The following TNRC6B variants were observed in gnomAD, a reference collection of about 807,000 sequenced individuals.
TNRC6B encodes trinucleotide repeat containing adaptor 6B, also known as trinucleotide repeat-containing gene 6B protein.
TNRC6B carries 52 observed loss-of-function variants against 203.6 expected under a neutral mutation model. The observed-to-expected ratio is 0.26, with a 90% CI of 0.20 to 0.32. The LOEUF (loss-of-function observed/expected upper bound fraction) is 0.32. Ranked by LOEUF, TNRC6B falls within the 10% of genes least tolerant of loss-of-function variation. The pLI is 1.00. For synonymous variants in TNRC6B, 838 were observed against 845.7 expected (o/e 0.99, Z 0.16); for missense variants, 1,923 against 2,286.2 (o/e 0.84, Z 3.24).
At chr22:40,133,324 T>C (rs1190537078) in intron 3 of TNRC6B, among the ~76,000 whole-genome samples, 1 of 152,152 alleles carries the variant, frequency 6.6e-6, no homozygotes, top group East Asian at 1.9e-4. Context: ...AATGACATAC[T>C]TTTATAGTCA....
In TNRC6B at chr22:40,326,010, A is replaced by G. The variant is rs1297937066; in HGVS notation, c.*2769A>G. ...GTTCTTCCATCATAAGCTTAAAGGG[A>G]AAAAAACTAAAAACTTTAAAAAAAA... On this transcript the variant is annotated 3_prime_UTR_variant, in exon 23 of 23. Transcript: ENST00000454349. The G allele has an allele frequency of 6.6e-6, 1 of 152,534 alleles. No homozygotes were observed. Among genetic ancestry groups the G allele is most frequent in the Non-Finnish European group, 1.5e-5 (1 of 68,032 alleles). 9.4% of individuals were successfully genotyped at this position (152,534 alleles called of 1,614,324 possible).
At chr22:40,121,184 C>G (rs1240573610) in intron 2 of TNRC6B, among the ~76,000 whole-genome samples, 1 of 152,156 alleles carries the variant, frequency 6.6e-6, no homozygotes, top group African/African-American at 2.4e-5. Context: ...AAGTCTAGGT[C>G]AGCCAGGGTT....
intron 4 of TNRC6B, among the ~76,000 whole-genome samples, chr22:40,168,478 C>T (rs540545420): frequency 4.1e-4 from 63 of 152,192 alleles, no homozygotes; most frequent in African/African-American, 9.6e-4. Flanking sequence ...TTCCTCCAAA[C>T]GCAGATTTAA....
In TNRC6B at chr22:40,315,438, T is replaced by C; in HGVS notation, c.4834T>C (p.Ser1612Pro). 6.2e-7 allele frequency: 1 copy of C among 1,613,666 alleles called. No individual in the cohort carries two copies. Residue 1612 changes from serine (S) to proline (P), a missense_variant, in exon 20 of 23, where the codon TCT (serine) becomes CCT (proline). Physicochemically the swap from Ser to Pro is moderately conservative, Grantham distance 74 (BLOSUM62 -1). Coordinates refer to ENST00000454349, the MANE Select transcript of TNRC6B (RefSeq NM_001162501.2). ...TGGTCTGACCAACCCCAAACCATCA[T>C]CTCCCTGGAGCAGCACAGCACCCCG... is the stretch of plus-strand genomic sequence containing the variant. ...PPGLTNPKPS[S>P]PWSSTAPRSV...
At chr22:40,181,968 G>A (rs1361430941) in intron 1 of TNRC6B, among the ~76,000 whole-genome samples, 7 of 146,716 alleles carry the variant, frequency 4.8e-5, no homozygotes, top group East Asian at 2.0e-4. Flanking sequence ...AAAGCCAGCC[G>A]GGCGTGGTGG....
intron 1 of TNRC6B, among the ~76,000 whole-genome samples, chr22:40,070,493 A>C (rs1259773818): frequency 6.6e-6 from 1 of 152,224 alleles, no homozygotes; most frequent in East Asian, 1.9e-4. Flanking sequence ...CATCTGCTAA[A>C]GGCTGATTTC....
rs546945575 is a variant in TNRC6B at position 40,135,594 on chromosome 22, T to C, written c.45+9732T>C. On this transcript the variant is annotated intron_variant, in intron 3 of 23. Transcript: ENST00000301923. ...TGGCTTGCTGAAACCTTGAATTTAA[T>C]GGGCTCAAGTGATCTTCCCACCTCA... Among the ~76,000 whole-genome samples the C allele has an allele frequency of 2.0e-5, 3 of 152,298 alleles. No individual in the cohort carries two copies. In the South Asian group the frequency reaches 6.2e-4, roughly 32 times the overall value.
In TNRC6B at chr22:40,334,378, A is replaced by T. The variant is rs1039221379; in HGVS notation, c.*11137A>T. 3 of 152,516 alleles carry T rather than the reference A, an allele frequency of 2.0e-5. No individual in the cohort carries two copies. Among genetic ancestry groups the T allele is most frequent in the Admixed American group, 6.5e-5 (1 of 15,276 alleles). The allele number at this position is 152,516 out of a possible 1,614,324, so 9.4% of individuals were successfully genotyped here. A position where few individuals can be genotyped will look rare whatever the true frequency, so the allele number is the denominator to read the frequency against. ...TGCAGGAACATTTTTAACAGGTTTT[A>T]AAAAAACAAAAAACCCTTCTGGGAG... On this transcript the variant is annotated 3_prime_UTR_variant, in exon 23 of 23. Transcript: ENST00000454349.
At chr22:40,196,243 G>A (rs2069335669) in intron 1 of TNRC6B, among the ~76,000 whole-genome samples, 2 of 151,938 alleles carry the variant, frequency 1.3e-5, no homozygotes, top group South Asian at 2.1e-4. Context: ...TCAACCTACC[G>A]GGCTCAAGCA....
chr22:40,173,825 A>T (rs2069030052), upstream of TNRC6B, among the ~76,000 whole-genome samples: 1 of 76,334 alleles, frequency 1.3e-5, no homozygotes, highest in African/African-American at 5.1e-5. Flanking sequence ...TTTTTTTGAG[A>T]CAGAATCTCA....
At chr22:40,104,001 C>T (rs931374227) in intron 1 of TNRC6B, among the ~76,000 whole-genome samples, 1 of 150,578 alleles carries the variant, frequency 6.6e-6, no homozygotes, top group Non-Finnish European at 1.5e-5. Flanking sequence ...GCCTGTATTC[C>T]CAGCACTTTG....
chr22:40,100,067 ATTATTTAT>A (rs34836211), intron 1 of TNRC6B, among the ~76,000 whole-genome samples: 9,060 of 111,828 alleles, frequency 0.081, 1,004 homozygotes, highest in African/African-American at 0.3. Context: ...TTTTATTTTT[ATTATTTAT>A]TTATTTATTT....
At chr22:40,058,927 G>A (rs1287322631) in intron 1 of TNRC6B, among the ~76,000 whole-genome samples, 1 of 151,962 alleles carries the variant, frequency 6.6e-6, no homozygotes. Flanking sequence ...CAGTTGTCTT[G>A]TTTCTAGTTT....
intron 1 of TNRC6B, among the ~76,000 whole-genome samples, chr22:40,197,258 C>G (rs1363115841): frequency 6.6e-6 from 1 of 151,696 alleles, no homozygotes; most frequent in Non-Finnish European, 1.5e-5. Flanking sequence ...TGGGAGCATC[C>G]CTGGCTGGCT....
At chr22:40,178,261 C>A in intron 1 of TNRC6B, 121 bp downstream of exon 1, 1 of 1,183,230 alleles carries the variant, frequency 8.5e-7, no homozygotes, top group South Asian at 1.3e-5. Context: ...TCAGACATTT[C>A]GTGGATCTGT....
intron 1 of TNRC6B, among the ~76,000 whole-genome samples, chr22:40,191,799 G>A (rs1183168465): frequency 6.6e-6 from 1 of 152,214 alleles, no homozygotes; most frequent in Non-Finnish European, 1.5e-5. Flanking sequence ...TGCCCAGGCT[G>A]GAGTGCAGTG....
At chr22:40,318,177 A>G (rs545579943) in intron 21 of TNRC6B, among the ~76,000 whole-genome samples, 140 of 152,304 alleles carry the variant, frequency 9.2e-4, no homozygotes, top group African/African-American at 3.3e-3. Flanking sequence ...TGAGGTAAAC[A>G]ATTTCCTAAA....
At chr22:40,302,309 T>A (rs903331122) in intron 15 of TNRC6B, among the ~76,000 whole-genome samples, 4 of 152,160 alleles carry the variant, frequency 2.6e-5, no homozygotes, top group Non-Finnish European at 5.9e-5. Context: ...AGAATTTATC[T>A]TCTAAAGAAG....
chr22:40,299,483 C>T (rs2070993586), intron 12 of TNRC6B, among the ~76,000 whole-genome samples: 1 of 152,214 alleles, frequency 6.6e-6, no homozygotes, highest in South Asian at 2.1e-4. Context: ...AGGTAATCCA[C>T]CCACCTCAGC....
Sources: gnomAD v4.1 joint callset for allele counts (sites outside exome capture counted in the v4.1 genomes callset) on GRCh38, gnomAD v4.1.1 for gene constraint, MANE v1.5 for transcripts, NCBI Gene and HGNC (gene_info 2026-07-23, HGNC 2026-07-21) for gene names.